PTPRR: variants seen among roughly 807,000 people sequenced by gnomAD.
PTPRR encodes receptor-type tyrosine-protein phosphatase R.
PTPRR carries 38 observed loss-of-function variants against 77.2 expected under a neutral mutation model. The observed-to-expected ratio is 0.49, with a 90% confidence interval of 0.38 to 0.65. The LOEUF (loss-of-function observed/expected upper bound fraction) is 0.65. PTPRR is among the 30% of genes least tolerant of loss of function. PTPRR has a pLI of 0.00. For missense variants in PTPRR, 744 were observed against 799.2 expected, an observed-to-expected ratio of 0.93 and a Z score of 0.83; for synonymous variants, 299 against 283.1, an observed-to-expected ratio of 1.06 and a Z score of -0.57.
At chr12:70,686,106 T>G (rs1417511559) in intron 8 of PTPRR, among the ~76,000 whole-genome samples, 4 of 152,204 alleles carry the variant, frequency 2.6e-5, no homozygotes, top group African/African-American at 7.2e-5. Context: ...CAGCTTCCTT[T>G]CTCAGTGGAG....
chr12:70,675,938 T>C (rs1011453265), intron 10 of PTPRR, among the ~76,000 whole-genome samples: 5 of 151,910 alleles, frequency 3.3e-5, no homozygotes, highest in Non-Finnish European at 7.4e-5. Flanking sequence ...TTACTTTCTT[T>C]GGTGCTTTTT....
intron 2 of PTPRR, among the ~76,000 whole-genome samples, chr12:70,765,764 C>T (rs1031583358): frequency 6.6e-6 from 1 of 152,210 alleles, no homozygotes; most frequent in African/African-American, 2.4e-5. Context: ...GGCACCCCCC[C>T]AGAAGGGGCA....
At chr12:70,690,818 G>A (rs908400799) in intron 8 of PTPRR, among the ~76,000 whole-genome samples, 7 of 152,062 alleles carry the variant, frequency 4.6e-5, no homozygotes, top group African/African-American at 7.2e-5. Context: ...AAAGTGTTAC[G>A]GAAAATGTGG....
At chr12:70,647,516 T>C (rs1311261287) in intron 13 of PTPRR, among the ~76,000 whole-genome samples, 1 of 152,264 alleles carries the variant, frequency 6.6e-6, no homozygotes, top group African/African-American at 2.4e-5. Flanking sequence ...CTTCTGTCAC[T>C]ATCTCAAACT....
At chr12:70,856,123 T>C (rs1892647462) in intron 2 of PTPRR, among the ~76,000 whole-genome samples, 1 of 152,154 alleles carries the variant, frequency 6.6e-6, no homozygotes, top group African/African-American at 2.4e-5. Flanking sequence ...TCACTCACTC[T>C]CACTCATGTA....
intron 2 of PTPRR, among the ~76,000 whole-genome samples, chr12:70,771,715 T>G (rs894534351): frequency 1.3e-5 from 2 of 152,196 alleles, no homozygotes; most frequent in Non-Finnish European, 2.9e-5. Flanking sequence ...TGTGGCCAAG[T>G]GTATTTCAGT....
At chr12:70,773,614 TAAAAG>T (rs1447369413) in intron 2 of PTPRR, among the ~76,000 whole-genome samples, 1 of 151,936 alleles carries the variant, frequency 6.6e-6, no homozygotes, top group East Asian at 1.9e-4. Flanking sequence ...GAGGCAAAAA[TAAAAG>T]AGGTACATGA....
chr12:70,819,132 T>C (rs999725323), intron 2 of PTPRR, among the ~76,000 whole-genome samples: 1 of 152,054 alleles, frequency 6.6e-6, no homozygotes, highest in African/African-American at 2.4e-5. Flanking sequence ...ACCAGACTAG[T>C]CGACATGGTG....
chr12:70,716,380 G>C (rs372798003), intron 6 of PTPRR, among the ~76,000 whole-genome samples: 6 of 149,198 alleles, frequency 4.0e-5, no homozygotes, highest in Admixed American at 2.7e-4. Context: ...TTATGTATTT[G>C]TAAATTATAT....
chr12:70,867,738 A>C (rs899338394), intron 2 of PTPRR, among the ~76,000 whole-genome samples: 3 of 152,200 alleles, frequency 2.0e-5, no homozygotes, highest in Non-Finnish European at 4.4e-5. Flanking sequence ...AGTCAATCCT[A>C]AGCCAGAAGA....
At chr12:70,722,196 C>T (rs1424778424) in intron 6 of PTPRR, among the ~76,000 whole-genome samples, 4 of 152,084 alleles carry the variant, frequency 2.6e-5, no homozygotes, top group Non-Finnish European at 5.9e-5. Context: ...GCAAATGCCT[C>T]GGGTGAATAA....
intron 10 of PTPRR, among the ~76,000 whole-genome samples, chr12:70,671,524 T>G (rs1339712640): frequency 1.3e-5 from 2 of 152,144 alleles, no homozygotes; most frequent in African/African-American, 4.8e-5. Flanking sequence ...ATTTCTGAAT[T>G]ATGTGGTCAA....
At chr12:70,672,041 T>C in intron 10 of PTPRR, 1 of 1,328,770 alleles carries the variant, frequency 7.5e-7, no homozygotes, top group Non-Finnish European at 1.1e-6. Context: ...GGGGCCTCAC[T>C]TGGGCCCAGA....
intron 2 of PTPRR, among the ~76,000 whole-genome samples, chr12:70,807,773 G>T (rs12369306): frequency 0.05 from 7,633 of 152,216 alleles, 245 homozygotes; most frequent in Non-Finnish European, 0.069. Flanking sequence ...TCCTATGCCT[G>T]TCTTTACTTT....
chr12:70,679,570 T>C (rs1351626640), intron 10 of PTPRR, among the ~76,000 whole-genome samples: 1 of 152,202 alleles, frequency 6.6e-6, no homozygotes, highest in African/African-American at 2.4e-5. Flanking sequence ...ATTTGGGTAC[T>C]CTAGTGTTAG....
chr12:70,638,854 T>A lies in PTPRR; in HGVS notation c.*330A>T, dbSNP rs1158001591. On this transcript the variant is annotated 3_prime_UTR_variant, in exon 14 of 14. Transcript: ENST00000283228. ...CTCATCCAGTCATCACCTGATGACA[T>A]TTATTACTGAATATTACATACATAC... is the stretch of plus-strand genomic sequence containing the variant. 8.9e-6 allele frequency: 2 copies of A among 224,190 alleles called. No homozygotes were observed. The highest frequency in any genetic ancestry group is 4.6e-5 in the African/African-American group (2 of 43,740). 13.9% of individuals were successfully genotyped at this position (224,190 alleles called of 1,614,324 possible). A position where few individuals can be genotyped will look rare whatever the true frequency, so the allele number is the denominator to read the frequency against.
At chr12:70,815,148 A>AAC (rs11403230) in intron 2 of PTPRR, among the ~76,000 whole-genome samples, 1 of 119,692 alleles carries the variant, frequency 8.4e-6, no homozygotes, top group African/African-American at 2.8e-5. Flanking sequence ...AAAAAAAAAA[A>AAC]CCCACGTGTC....
At chr12:70,750,906 C>T (rs1230597805) in intron 5 of PTPRR, among the ~76,000 whole-genome samples, 32 of 141,184 alleles carry the variant, frequency 2.3e-4, no homozygotes, top group African/African-American at 5.2e-4. Context: ...TTTTTAAACC[C>T]TTTTTTTTTT....
At chr12:70,821,242 T>A (rs1592776467) in intron 2 of PTPRR, among the ~76,000 whole-genome samples, 2 of 105,084 alleles carry the variant, frequency 1.9e-5, no homozygotes, top group Non-Finnish European at 3.6e-5. Flanking sequence ...TTTTTTTTTT[T>A]AGGACAGAGT....
Sources: gnomAD v4.1 joint callset for allele counts (sites outside exome capture counted in the v4.1 genomes callset) on GRCh38, gnomAD v4.1.1 for gene constraint, MANE v1.5 for transcripts, NCBI Gene and HGNC (gene_info 2026-07-23, HGNC 2026-07-21) for gene names.